TTC28: variants seen among roughly 807,000 people sequenced by gnomAD.
The protein encoded by TTC28 is tetratricopeptide repeat domain 28, also known as tetratricopeptide repeat protein 28.
A neutral mutation model predicts 198.0 loss-of-function variants in TTC28; 61 were observed. That is an observed-to-expected ratio of 0.31 (90% CI 0.25 to 0.38). TTC28 has a LOEUF of 0.38. Ranked by LOEUF, TTC28 falls within the 10% of genes least tolerant of loss-of-function variation. The pLI is 1.00. For synonymous variants in TTC28, 1,171 were observed against 1,297.8 expected (o/e 0.90, Z 2.10); for missense variants, 2,678 against 3,164.0 (o/e 0.85, Z 3.69).
chr22:28,202,508 G>T (rs1926057305), intron 5 of TTC28, among the ~76,000 whole-genome samples: 1 of 151,262 alleles, frequency 6.6e-6, no homozygotes, highest in African/African-American at 2.4e-5. Flanking sequence ...CTGCACTCCA[G>T]CCTGGGGAAC....
At chr22:28,326,723 C>T (rs549710408) in intron 2 of TTC28, among the ~76,000 whole-genome samples, 13 of 152,144 alleles carry the variant, frequency 8.5e-5, no homozygotes, top group African/African-American at 3.1e-4. Flanking sequence ...TGTTATAAAC[C>T]GATTTCTTTG....
chr22:28,483,996 G>A (rs983495678), intron 2 of TTC28, among the ~76,000 whole-genome samples: 5 of 152,118 alleles, frequency 3.3e-5, no homozygotes, highest in African/African-American at 2.4e-5. Context: ...TTTATAATTC[G>A]ACTCCGTAAA....
At chr22:28,468,549 C>T (rs1640129204) in intron 2 of TTC28, among the ~76,000 whole-genome samples, 2 of 151,646 alleles carry the variant, frequency 1.3e-5, no homozygotes, top group South Asian at 4.2e-4. Flanking sequence ...CAGAGTCTCA[C>T]TCTGTCGCCC....
chr22:28,117,219 T>C (rs771459047), intron 6 of TTC28, among the ~76,000 whole-genome samples: 4 of 152,234 alleles, frequency 2.6e-5, no homozygotes, highest in Non-Finnish European at 4.4e-5. Context: ...GGTACAGCTA[T>C]AGGAAGACGG....
chr22:28,081,250 G>C (rs1941346656), intron 12 of TTC28, among the ~76,000 whole-genome samples: 1 of 151,820 alleles, frequency 6.6e-6, no homozygotes. Context: ...GCACCATCTT[G>C]GCTCACTGCA....
chr22:28,054,117 A>C (rs1046930509), intron 12 of TTC28, among the ~76,000 whole-genome samples: 2 of 152,142 alleles, frequency 1.3e-5, no homozygotes, highest in Admixed American at 6.5e-5. Flanking sequence ...CCTAGAGAGA[A>C]AGTAAGGAGC....
intron 2 of TTC28, among the ~76,000 whole-genome samples, chr22:28,428,715 T>C (rs977986949): frequency 8.5e-5 from 13 of 152,074 alleles, no homozygotes; most frequent in African/African-American, 2.6e-4. Flanking sequence ...CTCAGCTCAC[T>C]GCAAGCTCCG....
intron 9 of TTC28, 69 bp downstream of exon 9, chr22:28,101,102 G>A: frequency 8.4e-7 from 1 of 1,196,124 alleles, no homozygotes; most frequent in Non-Finnish European, 1.2e-6. Flanking sequence ...TCACTACTAG[G>A]ACAGTAATCC....
intron 14 of TTC28, among the ~76,000 whole-genome samples, chr22:28,013,508 C>T (rs1938237443): frequency 6.6e-6 from 1 of 152,206 alleles, no homozygotes; most frequent in Non-Finnish European, 1.5e-5. Context: ...GCAAGGGTGT[C>T]TTTAACGTTA....
chr22:28,191,399 G>C (rs113043343), intron 5 of TTC28, among the ~76,000 whole-genome samples: 2,227 of 152,350 alleles, frequency 0.015, 22 homozygotes, highest in Non-Finnish European at 0.022. Flanking sequence ...ATTTCCAACT[G>C]AGGTAGCGGG....
At chr22:28,255,409 G>A (rs1302906823) in intron 5 of TTC28, among the ~76,000 whole-genome samples, 8 of 152,128 alleles carry the variant, frequency 5.3e-5, no homozygotes, top group African/African-American at 1.4e-4. Context: ...CAGCCCGGGC[G>A]CAGTGGCTCA....
At chr22:28,111,723 A>AT (rs71742496) in intron 6 of TTC28, among the ~76,000 whole-genome samples, 10,686 of 151,350 alleles carry the variant, frequency 0.071, 432 homozygotes, top group South Asian at 0.091. Flanking sequence ...CTTTGCAGTG[A>AT]TTTTTTTTTC....
intron 2 of TTC28, among the ~76,000 whole-genome samples, chr22:28,529,810 A>G (rs1030218397): frequency 7.9e-5 from 12 of 152,204 alleles, no homozygotes; most frequent in African/African-American, 2.7e-4. Flanking sequence ...AGTGGACTCC[A>G]GCAAACTCCA....
chr22:28,557,537 A>T (rs1319899003), intron 2 of TTC28, among the ~76,000 whole-genome samples: 1 of 152,176 alleles, frequency 6.6e-6, no homozygotes, highest in Admixed American at 6.5e-5. Context: ...GTCATATTTG[A>T]TACTCTCTTG....
chr22:28,516,060 C>A (rs1390679023), intron 2 of TTC28, among the ~76,000 whole-genome samples: 1 of 151,248 alleles, frequency 6.6e-6, no homozygotes, highest in East Asian at 2.0e-4. Flanking sequence ...GCAGGAGAAT[C>A]ATTTGAACCC....
At chr22:28,000,127 A>T (rs904413812) in intron 15 of TTC28, 1 of 152,258 alleles carries the variant, frequency 6.6e-6, no homozygotes, top group African/African-American at 2.4e-5. Flanking sequence ...AGGAGCGTCG[A>T]GAAGGCCAGC....
At chr22:28,550,966 G>A (rs1254755192) in intron 2 of TTC28, among the ~76,000 whole-genome samples, 1 of 151,816 alleles carries the variant, frequency 6.6e-6, no homozygotes, top group Non-Finnish European at 1.5e-5. Context: ...AGACAAAGAC[G>A]GACATTATAT....
chr22:28,309,448 C>T (rs1012600907), intron 2 of TTC28, among the ~76,000 whole-genome samples: 3 of 152,154 alleles, frequency 2.0e-5, no homozygotes, highest in African/African-American at 4.8e-5. Context: ...AACAGCCACC[C>T]ATAGGCTTGC....
chr22:28,323,805 A>G (rs951319318), intron 2 of TTC28, among the ~76,000 whole-genome samples: 22 of 152,324 alleles, frequency 1.4e-4, no homozygotes, highest in African/African-American at 5.3e-4. Context: ...AAATAGGACT[A>G]CCTCAAGGCA....
Sources: allele counts gnomAD v4.1 joint callset (sites outside exome capture counted in the v4.1 genomes callset), GRCh38; gene constraint gnomAD v4.1.1; transcripts MANE v1.5; gene names NCBI Gene and HGNC (gene_info 2026-07-23, HGNC 2026-07-21).